The following CEACAM1 variants were observed in gnomAD, a reference collection of about 807,000 sequenced individuals.
CEACAM1 encodes the protein CEA cell adhesion molecule 1.
A neutral mutation model predicts 49.1 loss-of-function variants in CEACAM1; 31 were observed. That is an observed-to-expected ratio of 0.63 (90% CI 0.47 to 0.85). The LOEUF (loss-of-function observed/expected upper bound fraction) is 0.85. Ranked by LOEUF, CEACAM1 falls within the 40% of genes least tolerant of loss-of-function variation. CEACAM1 has a pLI of 0.00. For synonymous variants in CEACAM1, 244 were observed against 247.8 expected (o/e 0.98, Z 0.14); for missense variants, 570 against 645.3 (o/e 0.88, Z 1.26).
At chr19:42,524,462 G>A (rs61083973) in intron 2 of CEACAM1, among the ~76,000 whole-genome samples, 4 of 152,154 alleles carry the variant, frequency 2.6e-5, no homozygotes, top group African/African-American at 9.7e-5. Flanking sequence ...TGGAGGAGTC[G>A]CTCGTCCCTG....
At chr19:42,520,617 A>G (rs1471415043) in intron 4 of CEACAM1, 1 of 152,126 alleles carries the variant, frequency 6.6e-6, no homozygotes, top group East Asian at 1.9e-4. Context: ...TGATCCTCTC[A>G]CCTCGGCCTT....
intron 5 of CEACAM1, among the ~76,000 whole-genome samples, chr19:42,513,766 A>G (rs558081664): frequency 6.8e-6 from 1 of 146,676 alleles, no homozygotes; most frequent in Non-Finnish European, 1.5e-5. Flanking sequence ...TCCCATCTTC[A>G]CTGTATCTCA....
rs745983659 is a variant in CEACAM1 at position 42,528,433 on chromosome 19, T to A, written c.-59A>T. The stretch of plus-strand genomic sequence containing the variant: ...AGGAGAGCTTGGGCTCCAGGAACGC[T>A]TCGAGCACGGCTGCTCTGTCACCTC... On this transcript the variant is annotated 5_prime_UTR_variant, in exon 1 of 9. It adds an upstream start codon to the 5' untranslated region. Transcript: ENST00000161559. The A allele has an allele frequency of 2.1e-5, 32 of 1,544,630 alleles. No individual in the cohort carries two copies. The highest frequency in any genetic ancestry group is 4.1e-5 in the African/African-American group (3 of 73,694).
rs2041388446 is a variant in CEACAM1, at chr19:42,508,932, T to C, written c.*177A>G. The C allele has an allele frequency of 1.6e-6, 1 of 623,578 alleles. No homozygotes were observed. The allele number at this position is 623,578 out of a possible 1,614,324, so 38.6% of individuals were successfully genotyped here. A position where few individuals can be genotyped will look rare whatever the true frequency, so the allele number is the denominator to read the frequency against. ...CAGACTCCCAATGTACTTTCATCTA[T>C]TGACACTGAGAGAGGGGCAGTGACC... On this transcript the variant is annotated 3_prime_UTR_variant, in exon 9 of 9. Transcript: ENST00000161559.
In CEACAM1 at chr19:42,518,928, A is replaced by G. The variant is rs753932690; in HGVS notation, c.1246+20T>C. 2 of 1,613,700 alleles carry G rather than the reference A, an allele frequency of 1.2e-6. No individual in the cohort carries two copies. The highest frequency in any genetic ancestry group is 1.7e-6 in the Non-Finnish European group (2 of 1,179,610). ...AGTAATCCTAGAGGGACATATAGGA[A>G]GGGGTGAGGAGTCACTTACAGTTTA... On this transcript the variant is annotated intron_variant, in intron 5 of 8. Transcript: ENST00000161559.
chr19:42,515,669 A>T (rs1023204986), intron 5 of CEACAM1, among the ~76,000 whole-genome samples: 2 of 152,182 alleles, frequency 1.3e-5, no homozygotes, highest in Non-Finnish European at 2.9e-5. Flanking sequence ...AAACCGAAAA[A>T]AAAAAGTTGT....
At chr19:42,525,224 A>T (rs1201575072) in intron 2 of CEACAM1, among the ~76,000 whole-genome samples, 17 of 131,070 alleles carry the variant, frequency 1.3e-4, no homozygotes, top group East Asian at 2.2e-4. Context: ...AGGCCTGAAC[A>T]TTTTTTTTTT....
At chr19:42,526,978 A>C in intron 2 of CEACAM1, 63 bp downstream of exon 2, 1 of 1,568,398 alleles carries the variant, frequency 6.4e-7, no homozygotes, top group South Asian at 1.2e-5. Context: ...CAGGCCTGAC[A>C]ATCCCATGTG....
In CEACAM1 at chr19:42,512,392, G is replaced by A; in HGVS notation, c.1334C>T (p.Ala445Val). Residue 445 changes from alanine (A) to valine (V), a missense_variant, in exon 6 of 9, where the codon GCA becomes GTA. Coordinates refer to ENST00000161559, the MANE Select transcript of CEACAM1 (RefSeq NM_001712.5). Reference sequence around the variant, plus strand: ...ATGCAGAAAACATGCCAGGGCTACTGCTATCAGAGCAACCAGGGCCACTAC... The same window carrying A: ...ATGCAGAAAACATGCCAGGGCTACTACTATCAGAGCAACCAGGGCCACTAC... ...IGVVALVALI[A>V]VALACFLHFG... The A allele has an allele frequency of 6.2e-7, 1 of 1,614,136 alleles. No homozygotes were observed. Among genetic ancestry groups the A allele is most frequent in the East Asian group, 2.2e-5 (1 of 44,888 alleles).
At chr19:42,528,159 C>T in intron 1 of CEACAM1, 152 bp downstream of exon 1, 1 of 583,160 alleles carries the variant, frequency 1.7e-6, no homozygotes. Flanking sequence ...TGAGACTTTC[C>T]TTTTATGATC....
Position 42,508,127 on chromosome 19 carries a change from A to G in CEACAM1, c.*982T>C, listed in dbSNP as rs1041910206. The G allele has an allele frequency of 6.6e-6, 1 of 152,272 alleles. No individual in the cohort carries two copies. Among genetic ancestry groups the G allele is most frequent in the Non-Finnish European group, 1.5e-5 (1 of 68,048 alleles). 9.4% of individuals were successfully genotyped at this position (152,272 alleles called of 1,614,324 possible). On this transcript the variant is annotated 3_prime_UTR_variant, in exon 9 of 9. Coordinates refer to ENST00000161559, the MANE Select transcript of CEACAM1 (RefSeq NM_001712.5). Reference sequence around the variant, plus strand: ...TCGGATTGGCTGACATAGCTAAGCTAAGTAAAAATAACCCTTTTCACATAA... The same window carrying G: ...TCGGATTGGCTGACATAGCTAAGCTGAGTAAAAATAACCCTTTTCACATAA...
At chr19:42,520,382 G>A (rs2041713263) in intron 4 of CEACAM1, among the ~76,000 whole-genome samples, 1 of 152,130 alleles carries the variant, frequency 6.6e-6, no homozygotes, top group Non-Finnish European at 1.5e-5. Flanking sequence ...TTTAGTTTTT[G>A]AGACAGAGTC....
At chr19:42,519,290 G>C in intron 4 of CEACAM1, 55 bp from the exon 5 acceptor site, 2 of 1,560,364 alleles carry the variant, frequency 1.3e-6, no homozygotes, top group Non-Finnish European at 1.8e-6. Context: ...TTGGGGCCTG[G>C]GGCCTAGGGC....
chr19:42,528,182 A>G, intron 1 of CEACAM1, 129 bp downstream of exon 1: 1 of 694,498 alleles, frequency 1.4e-6, no homozygotes, highest in South Asian at 1.9e-5. Flanking sequence ...TATCCCTTTC[A>G]TGTCCTCTCT....
chr19:42,516,891 A>G (rs1250261956), intron 5 of CEACAM1: 4 of 426,334 alleles, frequency 9.4e-6, no homozygotes, highest in Non-Finnish European at 1.8e-5. Flanking sequence ...AAAAAACAAA[A>G]CAAAACAAAA....
In CEACAM1 at chr19:42,519,214, T is replaced by G. The variant is rs752038614; in HGVS notation, c.980A>C (p.Lys327Thr). Reference sequence around the variant, plus strand: ...GGTCTTGCTGGCTTTGATTTGGGGCTTTGCTACTACTGGACTTAGCTCTGT... The same window carrying G: ...GGTCTTGCTGGCTTTGATTTGGGGCGTTGCTACTACTGGACTTAGCTCTGT... ...IVTELSPVVA[K>T]PQIKASKTTV... Residue 327 changes from lysine (K) to threonine (T), a missense_variant, in exon 5 of 9, where the codon AAG (lysine) becomes ACG (threonine). Physicochemically the swap from Lys to Thr is moderately conservative, Grantham distance 78 (BLOSUM62 -1). Transcript: ENST00000161559. 6 of 1,614,126 alleles carry G rather than the reference T, an allele frequency of 3.7e-6. No individual in the cohort carries two copies. Among genetic ancestry groups the G allele is most frequent in the Admixed American group, 1.7e-5 (1 of 60,020 alleles).
intron 7 of CEACAM1, chr19:42,511,191 C>G (rs2041447599): frequency 6.9e-6 from 4 of 578,862 alleles, no homozygotes. Context: ...GCAACATGCT[C>G]CAGTGGCAAG....
chr19:42,514,904 G>C, intron 5 of CEACAM1: 1 of 553,872 alleles, frequency 1.8e-6, no homozygotes, highest in South Asian at 2.3e-5. Flanking sequence ...AGTAATAGCA[G>C]CTAACATTTA....
intron 6 of CEACAM1, among the ~76,000 whole-genome samples, chr19:42,512,035 C>T (rs190983338): frequency 1.1e-4 from 16 of 152,198 alleles, no homozygotes; most frequent in Admixed American, 5.2e-4. Context: ...CTTGCTTTCT[C>T]CTGCTGCTTC....
Sources: allele counts gnomAD v4.1 joint callset (sites outside exome capture counted in the v4.1 genomes callset), GRCh38; gene constraint gnomAD v4.1.1; transcripts MANE v1.5; gene names NCBI Gene and HGNC (gene_info 2026-07-23, HGNC 2026-07-21).